MARCHF1: variants seen among roughly 807,000 people sequenced by gnomAD.
MARCHF1 encodes the protein membrane associated ring-CH-type finger 1.
Under a neutral mutation model 54.2 loss-of-function variants are expected in MARCHF1, and 40 were observed. The ratio of observed to expected loss-of-function variants is 0.74; its 90% CI spans 0.57 to 0.96. The LOEUF (loss-of-function observed/expected upper bound fraction) is 0.96, where lower values mean the gene tolerates loss of function less well. Ranked by LOEUF, MARCHF1 falls within the 40% of genes least tolerant of loss-of-function variation. MARCHF1 has a pLI of 0.00. For missense variants in MARCHF1, 586 were observed against 656.5 expected, an observed-to-expected ratio of 0.89 and a Z score of 1.17; for synonymous variants, 236 against 236.3, an observed-to-expected ratio of 1.00 and a Z score of 0.01.
chr4:163,705,903 C>A (rs977481300), intron 4 of MARCHF1, among the ~76,000 whole-genome samples: 2 of 151,962 alleles, frequency 1.3e-5, no homozygotes. Context: ...GACATAACAT[C>A]TTAGAAATCC....
chr4:164,340,779 A>C (rs990725903), intron 1 of MARCHF1, among the ~76,000 whole-genome samples: 3 of 151,588 alleles, frequency 2.0e-5, no homozygotes, highest in African/African-American at 7.3e-5. Context: ...GGTGGCCTCA[A>C]ACTCCTGGGC....
chr4:163,790,042 G>A (rs1426252601), intron 4 of MARCHF1, among the ~76,000 whole-genome samples: 3 of 151,994 alleles, frequency 2.0e-5, no homozygotes, highest in Admixed American at 2.0e-4. Flanking sequence ...CTAAGATCAG[G>A]ATAATTTTCA....
intron 3 of MARCHF1, among the ~76,000 whole-genome samples, chr4:163,960,049 G>A (rs1345948175): frequency 1.3e-5 from 2 of 151,988 alleles, no homozygotes; most frequent in African/African-American, 4.8e-5. Flanking sequence ...ACAAGCATAT[G>A]GAAAAAAGCT....
chr4:164,162,594 C>G (rs564112021), intron 1 of MARCHF1, among the ~76,000 whole-genome samples: 71 of 152,140 alleles, frequency 4.7e-4, no homozygotes, highest in Non-Finnish European at 8.8e-4. Context: ...GACACAGTCC[C>G]TACATGTCAT....
chr4:163,687,025 T>C (rs1744289134), intron 5 of MARCHF1, among the ~76,000 whole-genome samples: 1 of 152,160 alleles, frequency 6.6e-6, no homozygotes, highest in Non-Finnish European at 1.5e-5. Context: ...GCTTGGCAAA[T>C]GTGTTTTATC....
chr4:164,021,865 A>T (rs1753672934), intron 2 of MARCHF1, among the ~76,000 whole-genome samples: 1 of 147,972 alleles, frequency 6.8e-6, no homozygotes, highest in African/African-American at 2.5e-5. Flanking sequence ...AAAAAAAAAA[A>T]ATTATATATA....
chr4:164,175,271 T>G (rs1730634115), intron 1 of MARCHF1, among the ~76,000 whole-genome samples: 1 of 152,190 alleles, frequency 6.6e-6, no homozygotes, highest in African/African-American at 2.4e-5. Context: ...CACAATTGAT[T>G]TATGCATCTA....
intron 1 of MARCHF1, among the ~76,000 whole-genome samples, chr4:164,168,684 A>ACG (rs1236727698): frequency 1.1e-4 from 16 of 152,086 alleles, no homozygotes; most frequent in African/African-American, 3.9e-4. Flanking sequence ...ACACACACAC[A>ACG]CACACAAACA....
chr4:163,931,209 G>A (rs1751665826), intron 3 of MARCHF1, among the ~76,000 whole-genome samples: 1 of 152,106 alleles, frequency 6.6e-6, no homozygotes, highest in South Asian at 2.1e-4. Flanking sequence ...CCAGAACTGT[G>A]AGAAAATAAA....
chr4:163,700,532 G>A (rs28453061), intron 5 of MARCHF1, among the ~76,000 whole-genome samples: 1,471 of 33,778 alleles, frequency 0.044, 9 homozygotes, highest in East Asian at 0.17. Flanking sequence ...AAAGAAAGAA[G>A]GAAGGAAGGA....
chr4:164,059,554 A>G (rs755117455), intron 2 of MARCHF1, among the ~76,000 whole-genome samples: 4 of 152,188 alleles, frequency 2.6e-5, no homozygotes, highest in Non-Finnish European at 5.9e-5. Flanking sequence ...ACTCTTACCT[A>G]TATAGGAGGC....
chr4:164,168,843 T>C (rs1730449821), intron 1 of MARCHF1, among the ~76,000 whole-genome samples: 1 of 152,072 alleles, frequency 6.6e-6, no homozygotes, highest in Non-Finnish European at 1.5e-5. Flanking sequence ...TAATATAAAG[T>C]TGATTATGAC....
chr4:163,982,384 T>G (rs762962679), intron 3 of MARCHF1, among the ~76,000 whole-genome samples: 10 of 152,212 alleles, frequency 6.6e-5, no homozygotes, highest in Non-Finnish European at 1.2e-4. Flanking sequence ...TGGGTAAATG[T>G]GCTCTCAGCG....
At chr4:164,206,609 C>T (rs1235467015) in intron 1 of MARCHF1, among the ~76,000 whole-genome samples, 2 of 152,058 alleles carry the variant, frequency 1.3e-5, no homozygotes, top group Non-Finnish European at 2.9e-5. Flanking sequence ...TTACATCAGA[C>T]ATCAAACTAA....
At chr4:164,089,820 T>C (rs1755263356) in intron 2 of MARCHF1, among the ~76,000 whole-genome samples, 1 of 152,002 alleles carries the variant, frequency 6.6e-6, no homozygotes, top group Non-Finnish European at 1.5e-5. Flanking sequence ...AGGAATTCAC[T>C]TGTGAAACCA....
intron 4 of MARCHF1, among the ~76,000 whole-genome samples, chr4:163,756,484 T>A (rs970713605): frequency 8.6e-5 from 13 of 151,454 alleles, no homozygotes; most frequent in Non-Finnish European, 1.9e-4. Flanking sequence ...ATACAAATTA[T>A]TAGCTGGGCG....
intron 3 of MARCHF1, among the ~76,000 whole-genome samples, chr4:163,967,608 T>C (rs1185529999): frequency 6.6e-6 from 1 of 152,158 alleles, no homozygotes; most frequent in Non-Finnish European, 1.5e-5. Context: ...TCGTAGACAG[T>C]TGATGGCTGT....
At chr4:163,733,195 A>ATATATATATATACACGTG (rs1745904653) in intron 4 of MARCHF1, among the ~76,000 whole-genome samples, 1 of 26,352 alleles carries the variant, frequency 3.8e-5, no homozygotes, top group East Asian at 1.3e-3. Flanking sequence ...ATATATATAT[A>ATATATATATATACACGTG]TATATATATA....
chr4:163,846,059 T>C (rs1431114292), intron 4 of MARCHF1, among the ~76,000 whole-genome samples: 1 of 152,188 alleles, frequency 6.6e-6, no homozygotes, highest in African/African-American at 2.4e-5. Context: ...GTTATTCTAA[T>C]AAAAATTTAG....
Sources: gnomAD v4.1 joint callset for allele counts (sites outside exome capture counted in the v4.1 genomes callset) on GRCh38, gnomAD v4.1.1 for gene constraint, MANE v1.5 for transcripts, NCBI Gene and HGNC (gene_info 2026-07-23, HGNC 2026-07-21) for gene names.